The following TTC28 variants were observed in gnomAD, a reference collection of about 807,000 sequenced individuals.
The protein encoded by TTC28 is tetratricopeptide repeat domain 28, also known as tetratricopeptide repeat protein 28.
TTC28 carries 61 observed loss-of-function variants against 198.0 expected under a neutral mutation model. The ratio of observed to expected loss-of-function variants is 0.31; its 90% CI spans 0.25 to 0.38. The LOEUF is 0.38. TTC28 is among the 10% of genes least tolerant of loss of function. TTC28 has a pLI of 1.00. For missense variants in TTC28, 2,678 were observed against 3,164.0 expected, an observed-to-expected ratio of 0.85 and a Z score of 3.69; for synonymous variants, 1,171 against 1,297.8, an observed-to-expected ratio of 0.90 and a Z score of 2.10.
chr22:28,649,390 A>T (rs903076385), intron 1 of TTC28, among the ~76,000 whole-genome samples: 2 of 151,952 alleles, frequency 1.3e-5, no homozygotes, highest in African/African-American at 2.4e-5. Context: ...TATAAATAAA[A>T]TTTTTTAAAT....
At chr22:28,255,694 A>G (rs1459510723) in intron 5 of TTC28, among the ~76,000 whole-genome samples, 4 of 151,932 alleles carry the variant, frequency 2.6e-5, no homozygotes, top group Non-Finnish European at 5.9e-5. Flanking sequence ...AAAAAAAAAA[A>G]AAGGTTCTAG....
chr22:28,315,016 A>G (rs1339172860), intron 2 of TTC28, among the ~76,000 whole-genome samples: 1 of 152,160 alleles, frequency 6.6e-6, no homozygotes, highest in Non-Finnish European at 1.5e-5. Context: ...TCTTCCCTGA[A>G]GGAATTTTGA....
chr22:28,592,824 G>C (rs192697344), intron 2 of TTC28, among the ~76,000 whole-genome samples: 9 of 152,002 alleles, frequency 5.9e-5, no homozygotes, highest in African/African-American at 2.2e-4. Context: ...CCTTTTCTTA[G>C]AGCACAAGTA....
chr22:28,449,464 A>C (rs1267378120), intron 2 of TTC28, among the ~76,000 whole-genome samples: 1 of 152,222 alleles, frequency 6.6e-6, no homozygotes, highest in East Asian at 1.9e-4. Context: ...CATTCAAATA[A>C]CATCTTCCTA....
chr22:28,380,417 T>C (rs935141562), intron 2 of TTC28, among the ~76,000 whole-genome samples: 2 of 152,130 alleles, frequency 1.3e-5, no homozygotes, highest in African/African-American at 4.8e-5. Context: ...CTGTGACACA[T>C]GTGACAGTGA....
chr22:28,602,897 TGAGACAGAATCTTGCTCTGTC>T (rs1270232619), intron 2 of TTC28, among the ~76,000 whole-genome samples: 2 of 152,220 alleles, frequency 1.3e-5, no homozygotes, highest in African/African-American at 4.8e-5. Context: ...TTTATTTTTT[TGAGACAGAATCTTGCTCTGTC>T]GCCCAGGCTG....
intron 2 of TTC28, among the ~76,000 whole-genome samples, chr22:28,588,796 G>A (rs1018414182): frequency 1.3e-5 from 2 of 152,152 alleles, no homozygotes; most frequent in African/African-American, 4.8e-5. Flanking sequence ...AGAATCTCGA[G>A]TACTACTTTG....
chr22:28,606,284 T>C (rs1352576120), intron 2 of TTC28, among the ~76,000 whole-genome samples: 1 of 151,902 alleles, frequency 6.6e-6, no homozygotes, highest in African/African-American at 2.4e-5. Context: ...AGAGATGGGG[T>C]TTCACCATGT....
intron 2 of TTC28, among the ~76,000 whole-genome samples, chr22:28,450,501 G>A (rs2047763234): frequency 6.6e-6 from 1 of 152,076 alleles, no homozygotes; most frequent in Non-Finnish European, 1.5e-5. Flanking sequence ...TGATTTTTGA[G>A]ATTAAATTAT....
At chr22:28,282,990 C>T (rs2044613841) in intron 5 of TTC28, among the ~76,000 whole-genome samples, 1 of 152,066 alleles carries the variant, frequency 6.6e-6, no homozygotes, top group East Asian at 1.9e-4. Context: ...CTTTTTATAA[C>T]TCACTACAGG....
intron 2 of TTC28, among the ~76,000 whole-genome samples, chr22:28,506,598 C>T (rs1173626292): frequency 6.6e-6 from 1 of 152,234 alleles, no homozygotes; most frequent in East Asian, 1.9e-4. Context: ...GATCCCATTC[C>T]TCCTGACTAG....
At chr22:28,170,503 A>G (rs2147080564) in intron 5 of TTC28, among the ~76,000 whole-genome samples, 1 of 151,764 alleles carries the variant, frequency 6.6e-6, no homozygotes, top group Non-Finnish European at 1.5e-5. Flanking sequence ...AAAAAAAAAA[A>G]GAAAAAAAGA....
At chr22:28,657,630 A>G (rs921458714) in intron 1 of TTC28, among the ~76,000 whole-genome samples, 3 of 152,208 alleles carry the variant, frequency 2.0e-5, no homozygotes, top group Non-Finnish European at 2.9e-5. Flanking sequence ...TATAATCCCA[A>G]TGCTTTGGGA....
chr22:28,176,797 T>C (rs1923206693), intron 5 of TTC28, among the ~76,000 whole-genome samples: 1 of 152,140 alleles, frequency 6.6e-6, no homozygotes, highest in Non-Finnish European at 1.5e-5. Context: ...GGTAGTTACA[T>C]GGAGAAAGGA....
intron 6 of TTC28, among the ~76,000 whole-genome samples, chr22:28,159,451 C>G (rs1050120579): frequency 2.6e-5 from 4 of 152,048 alleles, no homozygotes; most frequent in Non-Finnish European, 4.4e-5. Context: ...GTCAGGAGTT[C>G]GATACCAGCC....
rs370060467 is a variant in TTC28, at chr22:28,094,037, G to A, written c.3932+43C>T. The A allele has an allele frequency of 1.4e-4, 203 of 1,484,500 alleles. 1 individual carries two copies. The African/African-American group carries it at 2.6e-3, about 19-fold the overall frequency. 92.0% of individuals were successfully genotyped at this position (1,484,500 alleles called of 1,614,324 possible). A position where few individuals can be genotyped will look rare whatever the true frequency, so the allele number is the denominator to read the frequency against. On this transcript the variant is annotated intron_variant, in intron 12 of 22. Transcript: ENST00000397906. Reference sequence around the variant, plus strand: ...GGATGTTTACAAAAAATAATACCCTGAGATTTATCTGAAAATGGACTTGGG... The same window carrying A: ...GGATGTTTACAAAAAATAATACCCTAAGATTTATCTGAAAATGGACTTGGG...
rs1330265721 is a variant in TTC28 at position 27,981,715 on chromosome 22, TTTGGCTAATATAACAC to T, written c.*490_*505del. The T allele has an allele frequency of 6.5e-6, 1 of 152,698 alleles. No homozygotes were observed. The highest frequency in any genetic ancestry group is 1.5e-5 in the Non-Finnish European group (1 of 68,378). The allele number at this position is 152,698 out of a possible 1,614,324, so 9.5% of individuals were successfully genotyped here. On this transcript the variant is annotated 3_prime_UTR_variant, in exon 23 of 23. Coordinates refer to ENST00000397906, the MANE Select transcript of TTC28 (RefSeq NM_001145418.2). Reference sequence around the variant, plus strand: ...GCATTTTAAAAACCATTTTTCTGTTTTTGGCTAATATAACACTTTCCTGTAGAATTCAACTGAAATT... The same window carrying T: ...GCATTTTAAAAACCATTTTTCTGTTTTTTCCTGTAGAATTCAACTGAAATT...
intron 6 of TTC28, among the ~76,000 whole-genome samples, chr22:28,124,227 C>T (rs1051344517): frequency 3.3e-5 from 5 of 151,434 alleles, no homozygotes; most frequent in South Asian, 2.1e-4. Flanking sequence ...CCTGTTTGAC[C>T]TCAAAGAAAG....
At chr22:28,387,023 G>A (rs1348604199) in intron 2 of TTC28, among the ~76,000 whole-genome samples, 11 of 151,768 alleles carry the variant, frequency 7.2e-5, no homozygotes, top group African/African-American at 2.4e-4. Context: ...GCCCCAGAGT[G>A]TGATGTTCCC....
Sources: gnomAD v4.1 joint callset for allele counts (sites outside exome capture counted in the v4.1 genomes callset) on GRCh38, gnomAD v4.1.1 for gene constraint, MANE v1.5 for transcripts, NCBI Gene and HGNC (gene_info 2026-07-23, HGNC 2026-07-21) for gene names.